The following CSMD1 variants were observed in gnomAD, a reference collection of about 807,000 sequenced individuals.
CSMD1 encodes the protein CUB and Sushi multiple domains 1.
Under a neutral mutation model 417.5 loss-of-function variants are expected in CSMD1, and 213 were observed. That is an observed-to-expected ratio of 0.51 (90% CI 0.46 to 0.57). CSMD1 has a LOEUF of 0.57. Ranked by LOEUF, CSMD1 falls within the 20% of genes least tolerant of loss-of-function variation. The pLI is 0.00. For synonymous variants in CSMD1, 2,862 were observed against 1,736.8 expected, an observed-to-expected ratio of 1.65 and a Z score of -16.11; for missense variants, 6,923 against 4,529.7, an observed-to-expected ratio of 1.53 and a Z score of -15.17.
At chr8:3,349,875 A>T (rs1219056942) in intron 21 of CSMD1, among the ~76,000 whole-genome samples, 2 of 19,864 alleles carry the variant, frequency 1.0e-4, no homozygotes, top group Non-Finnish European at 6.6e-4. Flanking sequence ...AAATATATTT[A>T]TATCTATATA....
At chr8:3,595,966 G>T (rs572784722) in intron 8 of CSMD1, among the ~76,000 whole-genome samples, 59 of 152,300 alleles carry the variant, frequency 3.9e-4, no homozygotes, top group African/African-American at 1.3e-3. Context: ...GTGTCTCCCT[G>T]AGATCCAAGG....
chr8:4,422,012 A>G (rs535907818), intron 2 of CSMD1, among the ~76,000 whole-genome samples: 1 of 152,234 alleles, frequency 6.6e-6, no homozygotes, highest in South Asian at 2.1e-4. Context: ...AAAAGTTACT[A>G]CAGAAACTAC....
intron 1 of CSMD1, among the ~76,000 whole-genome samples, chr8:4,822,078 G>T (rs1799555723): frequency 6.6e-6 from 1 of 151,526 alleles, no homozygotes; most frequent in African/African-American, 2.4e-5. Context: ...TTTCTTTTCG[G>T]GTTCAGTAAA....
intron 2 of CSMD1, among the ~76,000 whole-genome samples, chr8:4,626,570 T>G (rs1802129024): frequency 6.6e-6 from 1 of 152,004 alleles, no homozygotes; most frequent in Non-Finnish European, 1.5e-5. Context: ...AGAGCTAGAC[T>G]CAGGGCATGG....
At chr8:3,484,607 G>C (rs1193788833) in intron 11 of CSMD1, among the ~76,000 whole-genome samples, 6 of 152,140 alleles carry the variant, frequency 3.9e-5, no homozygotes, top group Admixed American at 6.5e-5. Flanking sequence ...AAAATTAAAA[G>C]CTTTTGCCAT....
At chr8:4,204,035 A>T (rs1191999577) in intron 3 of CSMD1, among the ~76,000 whole-genome samples, 1 of 152,190 alleles carries the variant, frequency 6.6e-6, no homozygotes, top group Non-Finnish European at 1.5e-5. Flanking sequence ...CAGTGGGCAG[A>T]AGTTGCGGTG....
chr8:3,123,203 C>T (rs1817306443), intron 41 of CSMD1, among the ~76,000 whole-genome samples: 2 of 152,104 alleles, frequency 1.3e-5, no homozygotes, highest in African/African-American at 4.8e-5. Context: ...ACACACACAC[C>T]CCTCATCTGC....
chr8:4,985,302 A>G (rs1310535782), intron 1 of CSMD1, among the ~76,000 whole-genome samples: 2 of 151,810 alleles, frequency 1.3e-5, no homozygotes, highest in African/African-American at 4.8e-5. Context: ...CGGTACAACA[A>G]CCCCCCATGA....
chr8:3,957,359 G>A (rs1449985381), intron 5 of CSMD1, among the ~76,000 whole-genome samples: 1 of 152,108 alleles, frequency 6.6e-6, no homozygotes, highest in Non-Finnish European at 1.5e-5. Flanking sequence ...TACGTGCTAG[G>A]CACCAAGGCA....
At chr8:4,814,458 G>T (rs1041869801) in intron 1 of CSMD1, among the ~76,000 whole-genome samples, 1 of 152,172 alleles carries the variant, frequency 6.6e-6, no homozygotes, top group Admixed American at 6.6e-5. Flanking sequence ...TGTTGGCCAA[G>T]GTGATCTCGA....
At chr8:4,234,380 G>A (rs1233452660) in intron 3 of CSMD1, among the ~76,000 whole-genome samples, 2 of 152,072 alleles carry the variant, frequency 1.3e-5, no homozygotes, top group Admixed American at 1.3e-4. Context: ...AAGATGTGTG[G>A]CAGCCACCGG....
At chr8:3,521,220 C>G (rs1170889476) in intron 10 of CSMD1, among the ~76,000 whole-genome samples, 2 of 152,220 alleles carry the variant, frequency 1.3e-5, no homozygotes, top group East Asian at 3.9e-4. Flanking sequence ...AAACACCTTC[C>G]CTGGTTTCTC....
chr8:4,449,019 C>T (rs140079665), intron 2 of CSMD1, among the ~76,000 whole-genome samples: 234 of 152,280 alleles, frequency 1.5e-3, no homozygotes, highest in African/African-American at 5.2e-3. Flanking sequence ...TGTGTGCGTT[C>T]AGCCTAATTT....
intron 2 of CSMD1, among the ~76,000 whole-genome samples, chr8:4,529,426 A>G (rs1796681370): frequency 6.6e-6 from 1 of 152,224 alleles, no homozygotes; most frequent in Non-Finnish European, 1.5e-5. Context: ...GAAAAAAATT[A>G]CTTTCCTTAA....
rs573112555 is a variant in CSMD1 at position 3,195,693 on chromosome 8, G to C, written c.5194+4021C>G. On this transcript the variant is annotated intron_variant, in intron 33 of 69. Transcript: ENST00000635120. ...AGGGAGAAGAGGGGAAGCTACAGGA[G>C]TCTCCTCCACTGTGAACACTCGAGG... is the stretch of plus-strand genomic sequence containing the variant. Among the ~76,000 whole-genome samples the C allele has an allele frequency of 5.0e-4, 76 of 152,280 alleles. 2 individuals carry two copies. The South Asian group carries it at 0.014, about 27-fold the overall frequency.
At position 4,220,544 on chromosome 8, in the gene CSMD1, A is replaced by C. The variant is rs571597057; in HGVS notation, c.416-188445T>G. On this transcript the variant is annotated intron_variant, in intron 3 of 69. Transcript: ENST00000635120. ...AGAGTGGAAACATGGAGACATTACT[A>C]AACAATTTTAGGTTTTGTGTGAAAT... 1.3e-3 allele frequency among the ~76,000 whole-genome samples: 205 copies of C among 152,354 alleles called. 1 individual carries two copies. Among genetic ancestry groups the C allele is most frequent in the African/African-American group, 4.6e-3 (192 of 41,582 alleles).
intron 2 of CSMD1, among the ~76,000 whole-genome samples, chr8:4,443,989 A>G (rs1798633388): frequency 6.6e-6 from 1 of 152,150 alleles, no homozygotes; most frequent in Non-Finnish European, 1.5e-5. Context: ...AAAATGTACA[A>G]ACGGAGTAAG....
At chr8:4,833,178 A>T (rs1449011231) in intron 1 of CSMD1, among the ~76,000 whole-genome samples, 2 of 152,218 alleles carry the variant, frequency 1.3e-5, no homozygotes, top group Non-Finnish European at 2.9e-5. Context: ...CTGCTATAAA[A>T]AAAACTATGT....
chr8:3,875,998 T>C (rs1805790360), intron 5 of CSMD1, among the ~76,000 whole-genome samples: 1 of 152,240 alleles, frequency 6.6e-6, no homozygotes, highest in African/African-American at 2.4e-5. Context: ...CTTACATTTC[T>C]TCCTACAGTT....
Sources: allele counts gnomAD v4.1 joint callset (sites outside exome capture counted in the v4.1 genomes callset), GRCh38; gene constraint gnomAD v4.1.1; transcripts MANE v1.5; gene names NCBI Gene and HGNC (gene_info 2026-07-23, HGNC 2026-07-21).